CPE: variants seen among roughly 807,000 people sequenced by gnomAD.
CPE encodes the protein carboxypeptidase E, also known as carbocypeptidase E.
In CPE, 17 loss-of-function variants were observed where a neutral mutation model predicts 53.5. The observed-to-expected ratio is 0.32, with a 90% CI of 0.22 to 0.48. CPE has a LOEUF of 0.48. Ranked by LOEUF, CPE falls within the 20% of genes least tolerant of loss-of-function variation. CPE has a pLI of 0.99. For synonymous variants in CPE, 226 were observed against 228.8 expected (o/e 0.99, Z 0.11); for missense variants, 524 against 614.7 (o/e 0.85, Z 1.56).
intron 3 of CPE, among the ~76,000 whole-genome samples, chr4:165,469,566 A>G (rs1197509382): frequency 1.3e-5 from 2 of 152,052 alleles, no homozygotes; most frequent in East Asian, 3.9e-4. Context: ...CTTTCCTTCC[A>G]TGCCACTCCC....
intron 1 of CPE, among the ~76,000 whole-genome samples, chr4:165,460,624 G>A (rs957305470): frequency 2.7e-4 from 41 of 152,160 alleles, no homozygotes; most frequent in African/African-American, 9.7e-4. Flanking sequence ...CACTGCTCCA[G>A]AAGGGTTTTC....
In CPE at chr4:165,453,784, C is replaced by T. The variant is rs887508767; in HGVS notation, c.308-10606C>T. On this transcript the variant is annotated intron_variant, in intron 1 of 8. Coordinates refer to ENST00000402744, the MANE Select transcript of CPE (RefSeq NM_001873.4). ...GAGACCCAAAGCAGCCCAGTCCTCC[C>T]ACAAGAGACTCATCATCATCTAGAT... Among the ~76,000 whole-genome samples, 24 of 152,134 alleles carry T rather than the reference C, an allele frequency of 1.6e-4. 1 individual carries two copies. Among genetic ancestry groups the T allele is most frequent in the South Asian group, 1.5e-3 (7 of 4,818 alleles).
At chr4:165,390,392 CT>C (rs1441983534) in intron 1 of CPE, among the ~76,000 whole-genome samples, 1 of 152,188 alleles carries the variant, frequency 6.6e-6, no homozygotes, top group African/African-American at 2.4e-5. Flanking sequence ...AGACTCAGTA[CT>C]TAAAATACGG....
chr4:165,482,481 A>G, intron 4 of CPE, 122 bp downstream of exon 4: 1 of 686,658 alleles, frequency 1.5e-6, no homozygotes, highest in East Asian at 2.6e-5. Context: ...GCCTGAAGAA[A>G]GAACTATGTT....
At chr4:165,454,588 C>T (rs1287795100) in intron 1 of CPE, among the ~76,000 whole-genome samples, 8 of 152,200 alleles carry the variant, frequency 5.3e-5, no homozygotes, top group Admixed American at 4.6e-4. Context: ...AACTGTTTGA[C>T]ATTCTCCACC....
At chr4:165,453,599 G>T (rs560425583) in intron 1 of CPE, among the ~76,000 whole-genome samples, 1 of 151,960 alleles carries the variant, frequency 6.6e-6, no homozygotes, top group South Asian at 2.1e-4. Context: ...TGCCCAGGTT[G>T]GTCTCAAACT....
intron 1 of CPE, among the ~76,000 whole-genome samples, chr4:165,381,737 TAG>T (rs1192332887): frequency 6.6e-6 from 1 of 152,240 alleles, no homozygotes; most frequent in African/African-American, 2.4e-5. Flanking sequence ...CTAGTAAATA[TAG>T]AGATCTGATC....
intron 1 of CPE, among the ~76,000 whole-genome samples, chr4:165,464,132 A>G (rs2126700261): frequency 6.6e-6 from 1 of 152,298 alleles, no homozygotes. Flanking sequence ...TACCTCCTTA[A>G]TACAGTCACA....
At chr4:165,485,448 T>G (rs536613472) in intron 5 of CPE, among the ~76,000 whole-genome samples, 1 of 152,276 alleles carries the variant, frequency 6.6e-6, no homozygotes, top group East Asian at 1.9e-4. Flanking sequence ...AAAATATTCT[T>G]TCTGATTTTT....
intron 7 of CPE, among the ~76,000 whole-genome samples, chr4:165,493,762 A>T (rs1412338030): frequency 6.6e-6 from 1 of 152,198 alleles, no homozygotes; most frequent in Admixed American, 6.5e-5. Context: ...ATCCGCAGGG[A>T]TTCAAGGTTA....
chr4:165,387,540 G>A (rs1021536030), intron 1 of CPE, among the ~76,000 whole-genome samples: 9 of 152,092 alleles, frequency 5.9e-5, no homozygotes, highest in African/African-American at 1.7e-4. Context: ...GCCGGGCGTG[G>A]TGTCTCACAC....
intron 1 of CPE, among the ~76,000 whole-genome samples, chr4:165,411,260 A>G (rs1488428420): frequency 6.6e-6 from 1 of 152,168 alleles, no homozygotes; most frequent in Admixed American, 6.5e-5. Flanking sequence ...TGCTATTAGT[A>G]CTTGTTTATT....
chr4:165,408,696 G>C (rs2126666434), intron 1 of CPE, among the ~76,000 whole-genome samples: 1 of 152,300 alleles, frequency 6.6e-6, no homozygotes, highest in Non-Finnish European at 1.5e-5. Context: ...GTAGGTCTGA[G>C]GTAGGGCCTG....
intron 1 of CPE, among the ~76,000 whole-genome samples, chr4:165,390,120 A>G (rs930793188): frequency 6.6e-6 from 1 of 152,220 alleles, no homozygotes; most frequent in African/African-American, 2.4e-5. Flanking sequence ...TCAATCCATA[A>G]TTCTGCCTTC....
chr4:165,381,077 T>C (rs1579235358), intron 1 of CPE, among the ~76,000 whole-genome samples: 1 of 152,236 alleles, frequency 6.6e-6, no homozygotes, highest in Non-Finnish European at 1.5e-5. Context: ...TTTTGTAGAT[T>C]GATCCCAGAG....
intron 6 of CPE, among the ~76,000 whole-genome samples, chr4:165,489,339 A>G (rs1461815950): frequency 6.6e-6 from 1 of 152,186 alleles, no homozygotes; most frequent in Non-Finnish European, 1.5e-5. Flanking sequence ...TTTTAATTTT[A>G]TGTATATAGT....
intron 1 of CPE, among the ~76,000 whole-genome samples, chr4:165,389,677 G>A (rs925478820): frequency 6.6e-6 from 1 of 152,052 alleles, no homozygotes; most frequent in Non-Finnish European, 1.5e-5. Context: ...TGACTTAACG[G>A]CCATTTATAA....
chr4:165,493,741 C>T (rs1350317763), intron 7 of CPE, among the ~76,000 whole-genome samples: 3 of 152,148 alleles, frequency 2.0e-5, no homozygotes, highest in Non-Finnish European at 4.4e-5. Context: ...TTCATTTAAT[C>T]CGTATAATAA....
chr4:165,459,674 T>TGGGGG (rs572743841), intron 1 of CPE, among the ~76,000 whole-genome samples: 241 of 55,822 alleles, frequency 4.3e-3, no homozygotes, highest in African/African-American at 6.1e-3. Context: ...GAGGGCTGGG[T>TGGGGG]GGGGGGGGGC....
Sources: allele counts gnomAD v4.1 joint callset (sites outside exome capture counted in the v4.1 genomes callset), GRCh38; gene constraint gnomAD v4.1.1; transcripts MANE v1.5; gene names NCBI Gene and HGNC (gene_info 2026-07-23, HGNC 2026-07-21).